HELZ: variants seen among roughly 807,000 people sequenced by gnomAD.
The protein encoded by HELZ is ATP-dependent RNA helicase with zinc finger domain.
Under a neutral mutation model 218.2 loss-of-function variants are expected in HELZ, and 23 were observed. That is an observed-to-expected ratio of 0.11 (90% CI 0.08 to 0.15). HELZ has a LOEUF of 0.15. Among genes scored for constraint, HELZ ranks in the 10% least tolerant of loss-of-function variants. HELZ has a pLI of 1.00. For synonymous variants in HELZ, 814 were observed against 829.4 expected (o/e 0.98, Z 0.32); for missense variants, 1,813 against 2,353.7 (o/e 0.77, Z 4.75).
chr17:67,236,040 G>A (rs373188478), intron 3 of HELZ, among the ~76,000 whole-genome samples: 11 of 151,948 alleles, frequency 7.2e-5, no homozygotes, highest in East Asian at 3.9e-4. Flanking sequence ...GATTACAGGC[G>A]TGAGCCACTG....
intron 5 of HELZ, chr17:67,215,640 C>G: frequency 2.2e-6 from 1 of 460,930 alleles, no homozygotes; most frequent in Non-Finnish European, 4.0e-6. Flanking sequence ...AGCCACCACA[C>G]CCGGCCTCAC....
rs1445019427 is a variant in HELZ, at chr17:67,148,787, A to G, written c.2476-73T>C. On this transcript the variant is annotated intron_variant, in intron 19 of 32. Transcript: ENST00000358691. ...GTATTTTTTAACCTACTTATAAAAA[A>G]TCCACTATGCTAAAACTTCTTATAT... 1.0e-5 allele frequency: 14 copies of G among 1,406,994 alleles called. No individual in the cohort carries two copies. The Admixed American group carries it at 3.2e-4, about 32-fold the overall frequency. The allele number at this position is 1,406,994 out of a possible 1,614,324, so 87.2% of individuals were successfully genotyped here.
At chr17:67,103,821 A>G (rs2037004118) in intron 31 of HELZ, among the ~76,000 whole-genome samples, 1 of 152,190 alleles carries the variant, frequency 6.6e-6, no homozygotes, top group Non-Finnish European at 1.5e-5. Context: ...AAATATAAGG[A>G]CTCATACTTC....
Position 67,138,015 on chromosome 17 carries a change from C to G in HELZ, c.2869G>C (p.Ala957Pro). The G allele has an allele frequency of 6.2e-7, 1 of 1,613,812 alleles. No individual in the cohort carries two copies. Among genetic ancestry groups the G allele is most frequent in the Non-Finnish European group, 8.5e-7 (1 of 1,179,774 alleles). Residue 957 changes from alanine (A) to proline (P), a missense_variant, in exon 22 of 33, where the codon GCT becomes CCT. Ala to Pro is a conservative substitution (Grantham distance 27). Transcript: ENST00000358691. The stretch of plus-strand genomic sequence containing the variant: ...GCACGTATTCTAAACACTTGATCAG[C>G]ATATGGAGTCACCACACCAATACTG... ...DGSIGVVTPY[A>P]DQVFRIRAEL...
chr17:67,229,013 C>G (rs2040967679), intron 3 of HELZ, among the ~76,000 whole-genome samples: 1 of 152,052 alleles, frequency 6.6e-6, no homozygotes. Flanking sequence ...CCACTGCACC[C>G]AGCTGATACA....
chr17:67,164,511 A>C (rs1420127246), intron 15 of HELZ, among the ~76,000 whole-genome samples: 1 of 152,224 alleles, frequency 6.6e-6, no homozygotes, highest in Non-Finnish European at 1.5e-5. Context: ...AAGACGAAAA[A>C]GTTCTGGAGA....
chr17:67,093,690 C>T (rs902286664), intron 31 of HELZ, among the ~76,000 whole-genome samples: 4 of 152,144 alleles, frequency 2.6e-5, no homozygotes, highest in Non-Finnish European at 5.9e-5. Context: ...TAGGTTCTAC[C>T]TGCAAAGTAG....
chr17:67,220,645 G>A (rs139700515), intron 3 of HELZ, among the ~76,000 whole-genome samples: 1,623 of 151,938 alleles, frequency 0.011, 18 homozygotes, highest in South Asian at 0.017. Flanking sequence ...ACCATGTCCC[G>A]CTAAATCGTT....
rs2038937826 is a variant in HELZ at position 67,159,533 on chromosome 17, CAT to C, written c.2177+726_2177+727del. On this transcript the variant is annotated intron_variant, in intron 17 of 32. Coordinates refer to ENST00000358691, the MANE Select transcript of HELZ (RefSeq NM_014877.4). ...TGTATTCAAACAACCTAGGGCATGA[CAT>C]ATTAGTTTGTAAAATGGCAAAACTA... Among the ~76,000 whole-genome samples, 6 of 152,194 alleles carry C rather than the reference CAT, an allele frequency of 3.9e-5. No individual in the cohort carries two copies. In the South Asian group the frequency reaches 1.2e-3, roughly 32 times the overall value.
intron 12 of HELZ, among the ~76,000 whole-genome samples, chr17:67,180,645 A>T (rs1047840643): frequency 2.6e-5 from 4 of 152,126 alleles, no homozygotes; most frequent in Admixed American, 2.6e-4. Context: ...TGGGAGGCTG[A>T]GGCAGGTGGA....
At chr17:67,232,197 G>A (rs1598471880) in intron 3 of HELZ, among the ~76,000 whole-genome samples, 1 of 150,910 alleles carries the variant, frequency 6.6e-6, no homozygotes, top group Non-Finnish European at 1.5e-5. Flanking sequence ...AGGCTAGAGT[G>A]CAGTGGCACA....
intron 32 of HELZ, among the ~76,000 whole-genome samples, chr17:67,085,094 G>A (rs117431603): frequency 0.031 from 4,777 of 151,808 alleles, 104 homozygotes; most frequent in Non-Finnish European, 0.051. Flanking sequence ...GTGACAGAGC[G>A]AGACTCTGTC....
chr17:67,234,063 G>A (rs932829618), intron 3 of HELZ, among the ~76,000 whole-genome samples: 1 of 146,230 alleles, frequency 6.8e-6, no homozygotes. Context: ...AAAAAAAAGA[G>A]AGAGAGAGAG....
In HELZ at chr17:67,161,369, C is replaced by CT. The variant is rs2038990632; in HGVS notation, c.1896-294dup. 5.3e-5 allele frequency among the ~76,000 whole-genome samples: 8 copies of CT among 152,280 alleles called. No individual in the cohort carries two copies. In the South Asian group the frequency reaches 1.4e-3, roughly 28 times the overall value. On this transcript the variant is annotated intron_variant, in intron 15 of 32. Transcript: ENST00000358691. ...ACTTCGAATCTAGCTGCTGCCAGGTCTTTAAGTAGAAATGGCAATGTTTCA... is the reference window on the plus strand; with the variant it reads ...ACTTCGAATCTAGCTGCTGCCAGGTCTTTTAAGTAGAAATGGCAATGTTTCA...
rs1244986725 is a variant in HELZ at position 67,241,194 on chromosome 17, A to G, written c.-75-1705T>C. ...TACTTAGAAATCCAATTACATCTGC[A>G]TGTATATTCACCTAAGTTTATGAAA... is the stretch of plus-strand genomic sequence containing the variant. On this transcript the variant is annotated intron_variant, in intron 2 of 32. Transcript: ENST00000358691. Among the ~76,000 whole-genome samples, 4 of 152,242 alleles carry G rather than the reference A, an allele frequency of 2.6e-5. 1 individual carries two copies. Among genetic ancestry groups the G allele is most frequent in the South Asian group, 4.1e-4 (2 of 4,834 alleles).
chr17:67,127,318 T>C (rs1292795459), intron 24 of HELZ, among the ~76,000 whole-genome samples: 3 of 152,184 alleles, frequency 2.0e-5, no homozygotes, highest in Admixed American at 2.0e-4. Flanking sequence ...AACTGATAAA[T>C]AAACAGCTAA....
At chr17:67,146,625 G>A (rs535252632) in intron 20 of HELZ, among the ~76,000 whole-genome samples, 1 of 152,136 alleles carries the variant, frequency 6.6e-6, no homozygotes, top group South Asian at 2.1e-4. Context: ...CAGTCAAGCC[G>A]TCAACTGTAA....
In HELZ at chr17:67,079,039, C is replaced by G. The variant is rs984380522; in HGVS notation, c.5495-453G>C. On this transcript the variant is annotated intron_variant, in intron 32 of 32. Transcript: ENST00000358691. ...GATTCCATTTGTTTACAATGCTACC[C>G]TTCCTTGTATTATATACTGAGTAAC... Among the ~76,000 whole-genome samples the G allele has an allele frequency of 2.4e-4, 36 of 152,160 alleles. 1 individual carries two copies. Among genetic ancestry groups the G allele is most frequent in the African/African-American group, 8.2e-4 (34 of 41,422 alleles).
chr17:67,212,078 C>T (rs1008647969), intron 5 of HELZ, among the ~76,000 whole-genome samples: 6 of 151,366 alleles, frequency 4.0e-5, no homozygotes, highest in Admixed American at 4.0e-4. Flanking sequence ...CAAGACTATG[C>T]TGTAAGGCCA....
Sources: allele counts gnomAD v4.1 joint callset (sites outside exome capture counted in the v4.1 genomes callset), GRCh38; gene constraint gnomAD v4.1.1; transcripts MANE v1.5; gene names NCBI Gene and HGNC (gene_info 2026-07-23, HGNC 2026-07-21).